The following EVA1C variants were observed in gnomAD, a reference collection of about 807,000 sequenced individuals.
EVA1C encodes eva-1 homolog C.
In EVA1C, 25 loss-of-function variants were observed where a neutral mutation model predicts 45.4. The ratio of observed to expected loss-of-function variants is 0.55; its 90% CI spans 0.40 to 0.77. EVA1C has a LOEUF of 0.77. EVA1C is among the 30% of genes least tolerant of loss of function. EVA1C has a pLI of 0.00. For synonymous variants in EVA1C, 190 were observed against 221.2 expected (o/e 0.86, Z 1.25); for missense variants, 479 against 554.8 (o/e 0.86, Z 1.37).
At chr21:32,458,185 C>T (rs907328813) in intron 3 of EVA1C, among the ~76,000 whole-genome samples, 4 of 152,276 alleles carry the variant, frequency 2.6e-5, no homozygotes, top group African/African-American at 4.8e-5. Context: ...CAGCTCCTCC[C>T]GCCCTCACCC....
intron 1 of EVA1C, among the ~76,000 whole-genome samples, chr21:32,424,149 A>G (rs1188578525): frequency 1.3e-5 from 2 of 152,204 alleles, no homozygotes; most frequent in African/African-American, 4.8e-5. Context: ...CTTTCAGAGT[A>G]GTGTTTCAGA....
At chr21:32,482,149 T>C (rs2036811180) in intron 4 of EVA1C, among the ~76,000 whole-genome samples, 1 of 152,176 alleles carries the variant, frequency 6.6e-6, no homozygotes, top group Non-Finnish European at 1.5e-5. Flanking sequence ...GTGAGGAAAC[T>C]GAGGCTTAGC....
chr21:32,508,819 T>G lies in EVA1C; in HGVS notation c.949+4804T>G, dbSNP rs187123778. Among the ~76,000 whole-genome samples the G allele has an allele frequency of 3.8e-3, 572 of 152,310 alleles. 6 individuals are homozygous for G. The highest frequency in any genetic ancestry group is 0.012 in the African/African-American group (498 of 41,564). On this transcript the variant is annotated intron_variant, in intron 7 of 7. Coordinates refer to ENST00000300255, the MANE Select transcript of EVA1C (RefSeq NM_058187.5). ...CGTGCATTTGCCCCAAGTCAGGATC[T>G]AAGGGTGGAAAGGAGCCTTAAAGGC...
chr21:32,476,112 C>T (rs1427592483), intron 4 of EVA1C, among the ~76,000 whole-genome samples: 1 of 151,822 alleles, frequency 6.6e-6, no homozygotes, highest in African/African-American at 2.4e-5. Context: ...TGTATTTGCA[C>T]TTGCACACCT....
chr21:32,434,211 G>A (rs2034833323), intron 1 of EVA1C, among the ~76,000 whole-genome samples: 1 of 151,992 alleles, frequency 6.6e-6, no homozygotes. Context: ...CAGGATAATT[G>A]CTTGAACCCG....
At chr21:32,499,925 G>C (rs2037473581) in intron 5 of EVA1C, among the ~76,000 whole-genome samples, 1 of 152,148 alleles carries the variant, frequency 6.6e-6, no homozygotes, top group Non-Finnish European at 1.5e-5. Context: ...GTTCAGCAGA[G>C]TCTGAAACCA....
At chr21:32,459,095 T>A (rs1462439717) in intron 3 of EVA1C, among the ~76,000 whole-genome samples, 2 of 152,016 alleles carry the variant, frequency 1.3e-5, no homozygotes, top group Non-Finnish European at 2.9e-5. Context: ...TCACAGCACA[T>A]AACAGACGCT....
At chr21:32,447,510 C>T (rs2035407228) in intron 1 of EVA1C, among the ~76,000 whole-genome samples, 1 of 150,232 alleles carries the variant, frequency 6.7e-6, no homozygotes, top group Non-Finnish European at 1.5e-5. Flanking sequence ...CTCTGAACAT[C>T]AGTTCTTACA....
At chr21:32,496,969 G>A in intron 5 of EVA1C, 1 of 1,442,768 alleles carries the variant, frequency 6.9e-7, no homozygotes, top group Non-Finnish European at 9.8e-7. Flanking sequence ...GCAGGTTGGA[G>A]ATCTCATCTA....
At chr21:32,480,074 C>T (rs1271518851) in intron 4 of EVA1C, among the ~76,000 whole-genome samples, 1 of 152,010 alleles carries the variant, frequency 6.6e-6, no homozygotes, top group African/African-American at 2.4e-5. Context: ...AAATATCATA[C>T]TTGTTTGCAA....
At chr21:32,438,326 A>G (rs1454504874) in intron 1 of EVA1C, among the ~76,000 whole-genome samples, 3 of 151,764 alleles carry the variant, frequency 2.0e-5, no homozygotes, top group Non-Finnish European at 4.4e-5. Context: ...GCAAAACCCC[A>G]TCTCTACTAA....
rs546135111 is a variant in EVA1C at position 32,453,682 on chromosome 21, C to A, written c.357+174C>A. ...TGTAGGTGAGCTATTATTTGCTTCT[C>A]AAAGGATTTGTTGCCCAACAAAACT... On this transcript the variant is annotated intron_variant, in intron 2 of 7. Transcript: ENST00000300255. 5.4e-4 allele frequency among the ~76,000 whole-genome samples: 82 copies of A among 152,354 alleles called. No individual in the cohort carries two copies. In the South Asian group the frequency reaches 0.017, roughly 32 times the overall value.
At chr21:32,447,197 C>T (rs1315820693) in intron 1 of EVA1C, among the ~76,000 whole-genome samples, 2 of 152,082 alleles carry the variant, frequency 1.3e-5, no homozygotes, top group Non-Finnish European at 2.9e-5. Flanking sequence ...GTCAGGAGTT[C>T]CAGACCAGCC....
At chr21:32,431,158 T>G (rs2034687985) in intron 1 of EVA1C, among the ~76,000 whole-genome samples, 1 of 152,130 alleles carries the variant, frequency 6.6e-6, no homozygotes, top group Non-Finnish European at 1.5e-5. Context: ...CTGGGCATCT[T>G]CTTTCTTGAA....
At chr21:32,432,284 T>A (rs6517097) in intron 1 of EVA1C, among the ~76,000 whole-genome samples, 88,100 of 151,704 alleles carry the variant, frequency 0.58, 28,720 homozygotes, top group African/African-American at 0.88. Context: ...GGTTCATTGC[T>A]TTATATTGCA....
intron 1 of EVA1C, among the ~76,000 whole-genome samples, chr21:32,435,088 T>C (rs2034887986): frequency 6.6e-6 from 1 of 152,292 alleles, no homozygotes. Context: ...AACCCCACTC[T>C]AGGGAACCTC....
Position 32,508,746 on chromosome 21 carries a change from G to A in EVA1C, c.949+4731G>A, listed in dbSNP as rs181464381. Among the ~76,000 whole-genome samples, 13 of 152,316 alleles carry A rather than the reference G, an allele frequency of 8.5e-5. No homozygotes were observed. The South Asian group carries it at 1.7e-3, about 19-fold the overall frequency. On this transcript the variant is annotated intron_variant, in intron 7 of 7. Coordinates refer to ENST00000300255, the MANE Select transcript of EVA1C (RefSeq NM_058187.5). Reference sequence around the variant, plus strand: ...GCAATAGGGCCCCAACAGGGGGAACGCTCGCCATGGCCTCTGGGTGTCTTA... The same window carrying A: ...GCAATAGGGCCCCAACAGGGGGAACACTCGCCATGGCCTCTGGGTGTCTTA...
intron 5 of EVA1C, among the ~76,000 whole-genome samples, chr21:32,496,354 A>G (rs1452957163): frequency 6.6e-6 from 1 of 152,228 alleles, no homozygotes; most frequent in Non-Finnish European, 1.5e-5. Context: ...GTGGCATCAT[A>G]ATATTCCATT....
intron 7 of EVA1C, among the ~76,000 whole-genome samples, chr21:32,504,642 A>G (rs2037664140): frequency 6.6e-6 from 1 of 152,202 alleles, no homozygotes; most frequent in Non-Finnish European, 1.5e-5. Context: ...CACATTTTGG[A>G]ATGCCATCTG....
Sources: gnomAD v4.1 joint callset for allele counts (sites outside exome capture counted in the v4.1 genomes callset) on GRCh38, gnomAD v4.1.1 for gene constraint, MANE v1.5 for transcripts, NCBI Gene and HGNC (gene_info 2026-07-23, HGNC 2026-07-21) for gene names.